The following IPMK variants were observed in gnomAD, a reference collection of about 807,000 sequenced individuals.
The protein encoded by IPMK is inositol polyphosphate multikinase, also known as inositol 1,3,4,6-tetrakisphosphate 5-kinase.
A neutral mutation model predicts 45.8 loss-of-function variants in IPMK; 17 were observed. The ratio of observed to expected loss-of-function variants is 0.37; its 90% CI spans 0.25 to 0.56. IPMK has a LOEUF of 0.56. Among genes scored for constraint, IPMK ranks in the 20% least tolerant of loss-of-function variants. The pLI is 0.79. For missense variants in IPMK, 399 were observed against 498.0 expected (o/e 0.80, Z 1.89); for synonymous variants, 180 against 184.3 (o/e 0.98, Z 0.19).
At position 58,264,593 on chromosome 10, in the gene IPMK, C is replaced by T. The variant is rs546880397; in HGVS notation, c.190+2829G>A. On this transcript the variant is annotated intron_variant, in intron 1 of 5. Coordinates refer to ENST00000373935, the MANE Select transcript of IPMK (RefSeq NM_152230.5). ...GGAATTTATATTGATCTTTTTTTTG[C>T]GAAAACTTCCTACAGAGATAGGTAC... 1.1e-4 allele frequency among the ~76,000 whole-genome samples: 17 copies of T among 151,684 alleles called. 1 individual carries two copies. The highest frequency in any genetic ancestry group is 2.2e-4 in the African/African-American group (9 of 41,410).
At chr10:58,235,474 T>C (rs537417285) in intron 2 of IPMK, among the ~76,000 whole-genome samples, 1 of 152,270 alleles carries the variant, frequency 6.6e-6, no homozygotes, top group Admixed American at 6.5e-5. Flanking sequence ...CACCATGGAA[T>C]ACTATGCAGC....
intron 4 of IPMK, among the ~76,000 whole-genome samples, chr10:58,200,128 G>A (rs149408285): frequency 1.3e-5 from 2 of 151,580 alleles, no homozygotes; most frequent in Non-Finnish European, 2.9e-5. Flanking sequence ...CTTTTTTTTG[G>A]TTGGGGGAGG....
chr10:58,211,623 G>A (rs1037908907), intron 4 of IPMK, among the ~76,000 whole-genome samples: 1 of 151,824 alleles, frequency 6.6e-6, no homozygotes, highest in Non-Finnish European at 1.5e-5. Context: ...GCTTGGGATT[G>A]CCCAGGATCA....
At chr10:58,257,579 C>G (rs1223892629) in intron 1 of IPMK, among the ~76,000 whole-genome samples, 1 of 152,094 alleles carries the variant, frequency 6.6e-6, no homozygotes, top group Non-Finnish European at 1.5e-5. Context: ...AAATATTTGA[C>G]AAGGCAATGG....
chr10:58,259,678 A>AAAAAAAACAAAAAAC (rs1554825704), intron 1 of IPMK, among the ~76,000 whole-genome samples: 8 of 144,594 alleles, frequency 5.5e-5, no homozygotes, highest in Admixed American at 3.4e-4. Context: ...ACATAAAAAA[A>AAAAAAAACAAAAAAC]AAAAAAAAAC....
At chr10:58,259,999 T>C (rs1839038864) in intron 1 of IPMK, among the ~76,000 whole-genome samples, 1 of 152,196 alleles carries the variant, frequency 6.6e-6, no homozygotes. Flanking sequence ...CCTCTCAAAT[T>C]ACTTAACAGC....
chr10:58,194,066 T>C lies in IPMK; in HGVS notation c.*2010A>G, dbSNP rs902166372. 5.9e-5 allele frequency: 9 copies of C among 151,842 alleles called. No homozygotes were observed. The highest frequency in any genetic ancestry group is 1.2e-4 in the Non-Finnish European group (8 of 67,736). The allele number at this position is 151,842 out of a possible 1,614,324, so 9.4% of individuals were successfully genotyped here. A position where few individuals can be genotyped will look rare whatever the true frequency, so the allele number is the denominator to read the frequency against. ...AAGGTAAGACATTGATTTTACAAAA[T>C]TGTATTTCCAAATGCAGATAAAAAA... On this transcript the variant is annotated 3_prime_UTR_variant, in exon 6 of 6. Transcript: ENST00000373935.
chr10:58,207,617 G>A (rs961774318), intron 4 of IPMK, among the ~76,000 whole-genome samples: 2 of 152,102 alleles, frequency 1.3e-5, no homozygotes, highest in African/African-American at 2.4e-5. Flanking sequence ...ATAACCCATC[G>A]AGTGCTGTCA....
intron 1 of IPMK, among the ~76,000 whole-genome samples, chr10:58,257,659 A>G (rs2132265160): frequency 6.6e-6 from 1 of 152,288 alleles, no homozygotes; most frequent in East Asian, 1.9e-4. Context: ...TCCGAAACAG[A>G]CTGAAAAATA....
At chr10:58,220,887 A>C (rs1025625039) in intron 3 of IPMK, among the ~76,000 whole-genome samples, 1 of 152,210 alleles carries the variant, frequency 6.6e-6, no homozygotes, top group Non-Finnish European at 1.5e-5. Flanking sequence ...TAAGTCACTG[A>C]TAAGTATTAA....
rs115448961 is a variant in IPMK, at chr10:58,223,993, G to T, written c.373+3050C>A. On this transcript the variant is annotated intron_variant, in intron 3 of 5. Transcript: ENST00000373935. ...TTCTTTATAAATTATCCAGTCTCAGGCAGTATCTTTAAAGCAGCATGAAAA... is the reference window on the plus strand; with the variant it reads ...TTCTTTATAAATTATCCAGTCTCAGTCAGTATCTTTAAAGCAGCATGAAAA... Among the ~76,000 whole-genome samples, 551 of 152,258 alleles carry T rather than the reference G, an allele frequency of 3.6e-3. 5 individuals carry two copies. Among genetic ancestry groups the T allele is most frequent in the African/African-American group, 0.012 (513 of 41,546 alleles).
intron 1 of IPMK, among the ~76,000 whole-genome samples, chr10:58,263,678 T>C (rs1839107888): frequency 6.6e-6 from 1 of 152,130 alleles, no homozygotes; most frequent in Admixed American, 6.6e-5. Context: ...AGCAAGAGCC[T>C]GTCTCAAAAA....
Position 58,248,287 on chromosome 10 carries a change from A to G in IPMK, c.191-10473T>C, listed in dbSNP as rs1838831782. Among the ~76,000 whole-genome samples, 2 of 152,172 alleles carry G rather than the reference A, an allele frequency of 1.3e-5. 1 individual carries two copies. Among genetic ancestry groups the G allele is most frequent in the Non-Finnish European group, 2.9e-5 (2 of 68,032 alleles). On this transcript the variant is annotated intron_variant, in intron 1 of 5. Coordinates refer to ENST00000373935, the MANE Select transcript of IPMK (RefSeq NM_152230.5). ...ATGTGCATGTAATTAAGAATACTGT[A>G]CATTTAAAAATGGCCAAGATGGCAA...
At position 58,246,273 on chromosome 10, in the gene IPMK, T is replaced by A. The variant is rs532792629; in HGVS notation, c.191-8459A>T. Among the ~76,000 whole-genome samples, 5 of 151,114 alleles carry A rather than the reference T, an allele frequency of 3.3e-5. No homozygotes were observed. In the South Asian group the frequency reaches 6.3e-4, roughly 19 times the overall value. Reference sequence around the variant, plus strand: ...AATGCCATCCTCATCAAGCTACCAATGACTTTCTTCACAGAATTGGAAAAA... The same window carrying A: ...AATGCCATCCTCATCAAGCTACCAAAGACTTTCTTCACAGAATTGGAAAAA... On this transcript the variant is annotated intron_variant, in intron 1 of 5. Coordinates refer to ENST00000373935, the MANE Select transcript of IPMK (RefSeq NM_152230.5).
At chr10:58,245,263 T>G (rs1453004429) in intron 1 of IPMK, among the ~76,000 whole-genome samples, 1 of 151,346 alleles carries the variant, frequency 6.6e-6, no homozygotes, top group Non-Finnish European at 1.5e-5. Flanking sequence ...GAATGATAGC[T>G]GCCAGGGGCC....
rs1839173790 is a variant in IPMK at position 58,267,675 on chromosome 10, G to T, written c.-64C>A. The T allele has an allele frequency of 9.7e-7, 1 of 1,027,146 alleles. No individual in the cohort carries two copies. Among genetic ancestry groups the T allele is most frequent in the Non-Finnish European group, 1.5e-6 (1 of 676,804 alleles). The allele number at this position is 1,027,146 out of a possible 1,614,324, so 63.6% of individuals were successfully genotyped here. A position where few individuals can be genotyped will look rare whatever the true frequency, so the allele number is the denominator to read the frequency against. Reference sequence around the variant, plus strand: ...AAAAAAATAGGGCGAGGGAGGGGGCGCCGGAGAACCCGAGGGTCGCTCAGG... The same window carrying T: ...AAAAAAATAGGGCGAGGGAGGGGGCTCCGGAGAACCCGAGGGTCGCTCAGG... On this transcript the variant is annotated 5_prime_UTR_variant, in exon 1 of 6. Coordinates refer to ENST00000373935, the MANE Select transcript of IPMK (RefSeq NM_152230.5).
In IPMK at chr10:58,252,396, C is replaced by T. The variant is rs560220658; in HGVS notation, c.191-14582G>A. ...CATCTTTAAGATATAAGTGGTTTTACTTACCATAATTACAGTATTAGAGTA... is the reference window on the plus strand; with the variant it reads ...CATCTTTAAGATATAAGTGGTTTTATTTACCATAATTACAGTATTAGAGTA... On this transcript the variant is annotated intron_variant, in intron 1 of 5. Coordinates refer to ENST00000373935, the MANE Select transcript of IPMK (RefSeq NM_152230.5). Among the ~76,000 whole-genome samples, 4 of 146,454 alleles carry T rather than the reference C, an allele frequency of 2.7e-5. No homozygotes were observed. The South Asian group carries it at 8.6e-4, about 31-fold the overall frequency.
intron 3 of IPMK, 21 bp from the exon 4 acceptor site, chr10:58,216,338 T>A: frequency 8.0e-7 from 1 of 1,252,780 alleles, no homozygotes; most frequent in Non-Finnish European, 1.1e-6. Flanking sequence ...AGAAAAATAT[T>A]AATTAGTAAT....
intron 1 of IPMK, 139 bp downstream of exon 1, chr10:58,267,283 G>T (rs904774841): frequency 1.0e-5 from 8 of 773,188 alleles, no homozygotes; most frequent in Non-Finnish European, 1.7e-5. Context: ...GGCTTCGGGG[G>T]ACAGCGGAAG....
Sources: allele counts gnomAD v4.1 joint callset (sites outside exome capture counted in the v4.1 genomes callset), GRCh38; gene constraint gnomAD v4.1.1; transcripts MANE v1.5; gene names NCBI Gene and HGNC (gene_info 2026-07-23, HGNC 2026-07-21).